The following COL5A1 variants were observed in gnomAD, a reference collection of about 807,000 sequenced individuals.
COL5A1 encodes the protein collagen type V alpha 1 chain.
In COL5A1, 16 loss-of-function variants were observed where a neutral mutation model predicts 263.7. The ratio of observed to expected loss-of-function variants is 0.06; its 90% CI spans 0.04 to 0.09. The LOEUF (loss-of-function observed/expected upper bound fraction) is 0.09, where lower values mean the gene tolerates loss of function less well. COL5A1 is among the 10% of genes least tolerant of loss of function. COL5A1 has a pLI of 1.00. For missense variants in COL5A1, 2,036 were observed against 2,540.5 expected (o/e 0.80, Z 4.27); for synonymous variants, 1,012 against 1,004.5 (o/e 1.01, Z -0.14).
intron 8 of COL5A1, 59 bp downstream of exon 8, chr9:134,731,722 G>T (rs1834889530): frequency 3.9e-6 from 6 of 1,552,922 alleles, no homozygotes; most frequent in Non-Finnish European, 5.2e-6. Context: ...GGCATCATGG[G>T]GGCTCCTGCC....
chr9:134,810,325 G>A lies in COL5A1; in HGVS notation c.3528+17G>A, dbSNP rs1211543413. The A allele has an allele frequency of 6.2e-7, 1 of 1,613,068 alleles. No individual in the cohort carries two copies. ...GGAGAACAGGTAAGTATTGGCACGG[G>A]GGCGCGCGGCAGCCCCCAGGTCCCG... On this transcript the variant is annotated intron_variant, in intron 44 of 65. Coordinates refer to ENST00000371817, the MANE Select transcript of COL5A1 (RefSeq NM_000093.5).
At chr9:134,839,944 G>A (rs942528084) in intron 65 of COL5A1, among the ~76,000 whole-genome samples, 1 of 152,246 alleles carries the variant, frequency 6.6e-6, no homozygotes, top group Non-Finnish European at 1.5e-5. Flanking sequence ...TGTTCTGCAG[G>A]GCTGAGCTGG....
intron 1 of COL5A1, among the ~76,000 whole-genome samples, chr9:134,644,961 C>T (rs1831427377): frequency 6.6e-6 from 1 of 152,160 alleles, no homozygotes; most frequent in African/African-American, 2.4e-5. Flanking sequence ...ACATCCTTTT[C>T]CATCCTCTGC....
rs1432766105 is a variant in COL5A1, at chr9:134,682,945, A to T, written c.110-7967A>T. On this transcript the variant is annotated intron_variant, in intron 1 of 65. Transcript: ENST00000371817. The surrounding 1 kb of genome is among the most constrained non-coding windows in gnomAD (Gnocchi z 5.1). Reference sequence around the variant, plus strand: ...GTGCTTAAAGATATTGAACTTGTTTAGGGGAAAAAAAGGAATTAGAGAAAA... The same window carrying T: ...GTGCTTAAAGATATTGAACTTGTTTTGGGGAAAAAAAGGAATTAGAGAAAA... Among the ~76,000 whole-genome samples, 5 of 152,198 alleles carry T rather than the reference A, an allele frequency of 3.3e-5. No homozygotes were observed. The highest frequency in any genetic ancestry group is 1.2e-4 in the African/African-American group (5 of 41,450).
At chr9:134,839,114 G>T (rs868263974) in intron 65 of COL5A1, among the ~76,000 whole-genome samples, 2 of 152,372 alleles carry the variant, frequency 1.3e-5, no homozygotes, top group African/African-American at 2.4e-5. Context: ...AATAACGGCC[G>T]AAGAAATTGG....
intron 28 of COL5A1, chr9:134,782,414 G>A (rs1356805892): frequency 1.7e-6 from 1 of 589,910 alleles, no homozygotes; most frequent in Non-Finnish European, 3.0e-6. Context: ...AGAACATTCA[G>A]ATTCAAACTG....
rs1830095969 is a variant in COL5A1 at position 134,841,248 on chromosome 9, G to C, written c.5371-909G>C. Reference sequence around the variant, plus strand: ...CCCAGGATGCGTTTGCAGGCTCCTGGTTTGCGGGAAAGGTGCGGCCTCCAG... The same window carrying C: ...CCCAGGATGCGTTTGCAGGCTCCTGCTTTGCGGGAAAGGTGCGGCCTCCAG... On this transcript the variant is annotated intron_variant, in intron 65 of 65. Transcript: ENST00000371817. This position sits in a 1 kb window ranked among gnomAD's most constrained non-coding sequence, Gnocchi z 4.8. Among the ~76,000 whole-genome samples, 1 of 152,244 alleles carries C rather than the reference G, an allele frequency of 6.6e-6. No individual in the cohort carries two copies. The highest frequency in any genetic ancestry group is 1.5e-5 in the Non-Finnish European group (1 of 68,038).
chr9:134,677,619 C>T lies in COL5A1; in HGVS notation c.110-13293C>T, dbSNP rs1832717008. Among the ~76,000 whole-genome samples the T allele has an allele frequency of 6.6e-6, 1 of 152,236 alleles. No individual in the cohort carries two copies. On this transcript the variant is annotated intron_variant, in intron 1 of 65. Coordinates refer to ENST00000371817, the MANE Select transcript of COL5A1 (RefSeq NM_000093.5). This position sits in a 1 kb window ranked among gnomAD's most constrained non-coding sequence, Gnocchi z 4.4. ...ATCACTCCTTGGCACAGCCACCCTT[C>T]ATCCAGCCGTCCCTGGGGCCATTCT...
Position 134,811,401 on chromosome 9 carries a change from C to G in COL5A1, c.3582+9C>G. ...GACAGCCAGGCCCCTCTGTGAGTAT[C>G]CATGGTCAATGACCTTCGAAAAGCC... On this transcript the variant is annotated intron_variant, in intron 45 of 65. Transcript: ENST00000371817. The G allele has an allele frequency of 6.2e-7, 1 of 1,613,988 alleles. No individual in the cohort carries two copies. The highest frequency in any genetic ancestry group is 1.3e-5 in the African/African-American group (1 of 75,000).
chr9:134,759,828 A>ACCCC (rs150984026), intron 18 of COL5A1, among the ~76,000 whole-genome samples: 11 of 48,294 alleles, frequency 2.3e-4, no homozygotes, highest in Admixed American at 2.9e-4. Flanking sequence ...ACACACCCAC[A>ACCCC]CCCCCCCACT....
In COL5A1 at chr9:134,642,870, C is replaced by T. The variant is rs530172010; in HGVS notation, c.109+574C>T. Among the ~76,000 whole-genome samples, 3 of 152,322 alleles carry T rather than the reference C, an allele frequency of 2.0e-5. No homozygotes were observed. Among genetic ancestry groups the T allele is most frequent in the Admixed American group, 2.0e-4 (3 of 15,304 alleles). On this transcript the variant is annotated intron_variant, in intron 1 of 65. Coordinates refer to ENST00000371817, the MANE Select transcript of COL5A1 (RefSeq NM_000093.5). The surrounding 1 kb of genome is among the most constrained non-coding windows in gnomAD (Gnocchi z 4.5). ...CTGCAGCCTTGGTCACCTAAGTGTT[C>T]GGGGGCACTGGGGACCCCTGCAGGG...
At chr9:134,658,933 A>C (rs1334778811) in intron 1 of COL5A1, among the ~76,000 whole-genome samples, 2 of 152,222 alleles carry the variant, frequency 1.3e-5, no homozygotes, top group Non-Finnish European at 2.9e-5. Flanking sequence ...GCAGGTGAAG[A>C]GTAGGACTCT....
chr9:134,785,580 C>T (rs1837427231), intron 30 of COL5A1, among the ~76,000 whole-genome samples: 1 of 152,150 alleles, frequency 6.6e-6, no homozygotes, highest in African/African-American at 2.4e-5. Context: ...CCTGGCTCCA[C>T]CCTGTTTCCA....
chr9:134,804,651 G>T (rs973290942), intron 39 of COL5A1, among the ~76,000 whole-genome samples: 6 of 152,216 alleles, frequency 3.9e-5, no homozygotes, highest in African/African-American at 1.4e-4. Context: ...CTTCCAGGTG[G>T]AGGCTCAGGC....
chr9:134,684,102 C>T (rs1440107912), intron 1 of COL5A1, among the ~76,000 whole-genome samples: 2 of 152,184 alleles, frequency 1.3e-5, no homozygotes, highest in Admixed American at 1.3e-4. Context: ...TCATGAGGGG[C>T]CCCACTTCCA....
rs758190171 is a variant in COL5A1 at position 134,774,909 on chromosome 9, C to T, written c.2382C>T (p.Val794=). ...GPIGYPGPRG[V]KGADGIRGLK... is the part of the protein sequence containing the mutation. ...TTGGCTACCCAGGTCCTCGAGGAGT[C>T]AAGGTGAGAGAGACTCACGCCACTC... is the stretch of plus-strand genomic sequence containing the variant. Residue 794 remains valine (V), a synonymous_variant, in exon 27 of 66, where the codon GTC becomes GTT. Coordinates refer to ENST00000371817, the MANE Select transcript of COL5A1 (RefSeq NM_000093.5). The T allele has an allele frequency of 1.5e-5, 25 of 1,613,422 alleles. No individual in the cohort carries two copies. Among genetic ancestry groups the T allele is most frequent in the Non-Finnish European group, 1.9e-5 (23 of 1,179,716 alleles).
intron 4 of COL5A1, among the ~76,000 whole-genome samples, chr9:134,725,349 G>T (rs3128577): frequency 6.6e-6 from 1 of 152,186 alleles, no homozygotes; most frequent in Non-Finnish European, 1.5e-5. Flanking sequence ...AGAGAGACCA[G>T]GTGCAGGCTC....
chr9:134,792,839 ATGTG>A (rs550526614), intron 32 of COL5A1, among the ~76,000 whole-genome samples: 2 of 59,482 alleles, frequency 3.4e-5, no homozygotes, highest in African/African-American at 1.3e-4. Flanking sequence ...ATGCATGTGT[ATGTG>A]TGTGTGCGCA....
rs945188888 is a variant in COL5A1, at chr9:134,753,136, G to A, written c.1719+491G>A. Among the ~76,000 whole-genome samples, 3 of 152,184 alleles carry A rather than the reference G, an allele frequency of 2.0e-5. No homozygotes were observed. In the East Asian group the frequency reaches 5.8e-4, roughly 29 times the overall value. Reference sequence around the variant, plus strand: ...GCTGTGACTGCCTTGTGGAGCAGGGGCCTCCATTGATCTTTACAGCCCTGT... The same window carrying A: ...GCTGTGACTGCCTTGTGGAGCAGGGACCTCCATTGATCTTTACAGCCCTGT... On this transcript the variant is annotated intron_variant, in intron 14 of 65. Transcript: ENST00000371817.
Sources: allele counts gnomAD v4.1 joint callset (sites outside exome capture counted in the v4.1 genomes callset), GRCh38; gene constraint gnomAD v4.1.1; non-coding constraint Gnocchi (gnomAD v3.1); transcripts MANE v1.5; gene names NCBI Gene and HGNC (gene_info 2026-07-23, HGNC 2026-07-21).